Variants in SMARCC1 observed in about 807,000 individuals in gnomAD.
SMARCC1 encodes the protein SWI/SNF complex subunit SMARCC1.
In SMARCC1, 43 loss-of-function variants were observed where a neutral mutation model predicts 147.4. The ratio of observed to expected loss-of-function variants is 0.29; its 90% CI spans 0.23 to 0.38. SMARCC1 has a LOEUF of 0.38. Among genes scored for constraint, SMARCC1 ranks in the 10% least tolerant of loss-of-function variants. The probability of loss-of-function intolerance (pLI) is 1.00; values close to 1 mark genes in which losing one functional copy is unlikely to be tolerated. For synonymous variants in SMARCC1, 495 were observed against 484.4 expected (o/e 1.02, Z -0.29); for missense variants, 1,119 against 1,381.1 (o/e 0.81, Z 3.01).
At chr3:47,654,333 A>G (rs527338769) in intron 21 of SMARCC1, among the ~76,000 whole-genome samples, 1 of 152,360 alleles carries the variant, frequency 6.6e-6, no homozygotes, top group East Asian at 1.9e-4. Context: ...TGCAGAATCA[A>G]CATAGAAGAA....
At chr3:47,704,089 C>T (rs1285431587) in intron 10 of SMARCC1, among the ~76,000 whole-genome samples, 1 of 151,896 alleles carries the variant, frequency 6.6e-6, no homozygotes, top group East Asian at 1.9e-4. Context: ...TGAGCCACTG[C>T]ACCCGGCCTT....
In SMARCC1 at chr3:47,607,683, T is replaced by C. The variant is rs142686840; in HGVS notation, c.3043+2383A>G. Among the ~76,000 whole-genome samples the C allele has an allele frequency of 2.4e-4, 37 of 152,286 alleles. 1 individual carries two copies. In the East Asian group the frequency reaches 6.8e-3, roughly 28 times the overall value. On this transcript the variant is annotated intron_variant, in intron 26 of 27. Coordinates refer to ENST00000254480, the MANE Select transcript of SMARCC1 (RefSeq NM_003074.4). Reference sequence around the variant, plus strand: ...GGAACTATGAGTTCAACTTCCAAAGTAGTTAAAATTTAGTAAACAATAGCC... The same window carrying C: ...GGAACTATGAGTTCAACTTCCAAAGCAGTTAAAATTTAGTAAACAATAGCC...
intron 1 of SMARCC1, among the ~76,000 whole-genome samples, chr3:47,778,930 G>A (rs2035010632): frequency 6.6e-6 from 1 of 152,016 alleles, no homozygotes; most frequent in African/African-American, 2.4e-5. Flanking sequence ...TGAGGCTGCA[G>A]TGTGCTATGA....
chr3:47,700,212 A>C (rs1559648643), intron 11 of SMARCC1, among the ~76,000 whole-genome samples: 1 of 151,882 alleles, frequency 6.6e-6, no homozygotes, highest in African/African-American at 2.4e-5. Context: ...TTAATGACTT[A>C]GTTTCTAGTC....
rs572416488 is a variant in SMARCC1 at position 47,687,057 on chromosome 3, T to C, written c.1264-887A>G. On this transcript the variant is annotated intron_variant, in intron 13 of 27. Transcript: ENST00000254480. ...TACAATGGTTCCACAATTTAATTTC[T>C]ACCTTTTTCTTAATTCAACCTAAAT... Among the ~76,000 whole-genome samples, 3 of 152,386 alleles carry C rather than the reference T, an allele frequency of 2.0e-5. 1 individual carries two copies. In the South Asian group the frequency reaches 6.2e-4, roughly 32 times the overall value.
At chr3:47,668,348 A>G (rs540014482) in intron 19 of SMARCC1, among the ~76,000 whole-genome samples, 1 of 152,290 alleles carries the variant, frequency 6.6e-6, no homozygotes, top group East Asian at 1.9e-4. Flanking sequence ...TTGATCTTAC[A>G]GAGTAATTTC....
At chr3:47,642,774 G>A (rs2033066115) in intron 21 of SMARCC1, among the ~76,000 whole-genome samples, 1 of 152,070 alleles carries the variant, frequency 6.6e-6, no homozygotes, top group Non-Finnish European at 1.5e-5. Flanking sequence ...GGCCACGTGT[G>A]GTGGCTCATG....
intron 10 of SMARCC1, among the ~76,000 whole-genome samples, chr3:47,703,100 T>G (rs1164401536): frequency 6.6e-6 from 1 of 152,068 alleles, no homozygotes; most frequent in Non-Finnish European, 1.5e-5. Context: ...GGCTAATTTT[T>G]TTTTTGTATT....
At chr3:47,737,544 A>G (rs2034457811) in intron 4 of SMARCC1, among the ~76,000 whole-genome samples, 1 of 152,086 alleles carries the variant, frequency 6.6e-6, no homozygotes. Flanking sequence ...ATCCCCAAAC[A>G]CCCATAAAAA....
chr3:47,659,912 A>AT (rs1464515785), intron 21 of SMARCC1, among the ~76,000 whole-genome samples: 1 of 152,196 alleles, frequency 6.6e-6, no homozygotes, highest in Non-Finnish European at 1.5e-5. Context: ...AAAATGGAAA[A>AT]TAAGTATTGA....
chr3:47,735,106 G>A (rs1358559766), intron 5 of SMARCC1, among the ~76,000 whole-genome samples: 3 of 151,942 alleles, frequency 2.0e-5, no homozygotes, highest in Non-Finnish European at 2.9e-5. Flanking sequence ...AAAATGGGGG[G>A]TTAGGGAAGA....
At chr3:47,735,243 T>C (rs999608701) in intron 5 of SMARCC1, among the ~76,000 whole-genome samples, 2 of 152,178 alleles carry the variant, frequency 1.3e-5, no homozygotes, top group African/African-American at 4.8e-5. Context: ...CTTAGGTCTA[T>C]GTAAGCACAC....
In SMARCC1 at chr3:47,622,255, A is replaced by G; in HGVS notation, c.2733T>C (p.Leu911=). Reference sequence around the variant, plus strand: ...TAGTTTCCAGCTCTTCAAAATGTCGAAGTTTGATCTCTAGTTTCTTCATTT... The same window carrying G: ...TAGTTTCCAGCTCTTCAAAATGTCGGAGTTTGATCTCTAGTTTCTTCATTT... ...ETQMKKLEIK[L]RHFEELETIM... The change falls in exon 25 of 28, where the codon CTT becomes CTC. Residue 911 remains leucine, a synonymous_variant. Transcript: ENST00000254480. 1 of 1,604,098 alleles carries G rather than the reference A, an allele frequency of 6.2e-7. No homozygotes were observed. Among genetic ancestry groups the G allele is most frequent in the Non-Finnish European group, 8.5e-7 (1 of 1,177,708 alleles).
chr3:47,586,931 C>A lies in SMARCC1; in HGVS notation c.*1278G>T. 1 of 152,582 alleles carries A rather than the reference C, an allele frequency of 6.6e-6. No homozygotes were observed. The highest frequency in any genetic ancestry group is 6.5e-5 in the Admixed American group (1 of 15,276). The allele number at this position is 152,582 out of a possible 1,614,324, so 9.5% of individuals were successfully genotyped here. On this transcript the variant is annotated 3_prime_UTR_variant, in exon 28 of 28. Transcript: ENST00000254480. ...TTGTCCTCTGGAATGGCATTCTACCCTCCCAGCCTGAGCACCCCAAACCTC... is the reference window on the plus strand; with the variant it reads ...TTGTCCTCTGGAATGGCATTCTACCATCCCAGCCTGAGCACCCCAAACCTC...
chr3:47,686,270 C>T, intron 13 of SMARCC1, 100 bp from the exon 14 acceptor site: 1 of 913,446 alleles, frequency 1.1e-6, no homozygotes, highest in Non-Finnish European at 1.6e-6. Context: ...TAAAATGAAG[C>T]TCCCCGATTC....
chr3:47,774,994 C>T (rs2034957279), intron 1 of SMARCC1, among the ~76,000 whole-genome samples: 1 of 151,752 alleles, frequency 6.6e-6, no homozygotes, highest in Non-Finnish European at 1.5e-5. Flanking sequence ...TGTACACAAC[C>T]GTTTTCACCA....
intron 26 of SMARCC1, among the ~76,000 whole-genome samples, chr3:47,596,610 A>G (rs992133881): frequency 7.3e-5 from 11 of 151,662 alleles, no homozygotes; most frequent in African/African-American, 1.9e-4. Flanking sequence ...AGAAGAAGAA[A>G]AAAGATGGGG....
chr3:47,595,034 T>A (rs1417621374), intron 26 of SMARCC1, among the ~76,000 whole-genome samples: 1 of 151,880 alleles, frequency 6.6e-6, no homozygotes, highest in South Asian at 2.1e-4. Flanking sequence ...TTGGGATTGG[T>A]TTTTTTTCAC....
chr3:47,690,329 A>AATAAAC (rs941698173), intron 12 of SMARCC1, among the ~76,000 whole-genome samples: 2 of 152,250 alleles, frequency 1.3e-5, no homozygotes, highest in African/African-American at 4.8e-5. Flanking sequence ...CTATACAAAG[A>AATAAAC]ATAAACATAA....
Sources: gnomAD v4.1 joint callset for allele counts (sites outside exome capture counted in the v4.1 genomes callset) on GRCh38, gnomAD v4.1.1 for gene constraint, MANE v1.5 for transcripts, NCBI Gene and HGNC (gene_info 2026-07-23, HGNC 2026-07-21) for gene names.